SLC16A7: variants seen among roughly 807,000 people sequenced by gnomAD.
SLC16A7 encodes solute carrier family 16 member 7, also known as monocarboxylate transporter 2.
SLC16A7 carries 33 observed loss-of-function variants against 34.9 expected under a neutral mutation model. That is an observed-to-expected ratio of 0.94 (90% confidence interval 0.72 to 1.26). The LOEUF is 1.26. Among genes scored for constraint, SLC16A7 ranks in the 50% most tolerant of loss-of-function variants. SLC16A7 has a pLI of 0.00. For missense variants in SLC16A7, 573 were observed against 578.1 expected, an observed-to-expected ratio of 0.99 and a Z score of 0.09; for synonymous variants, 201 against 206.6, an observed-to-expected ratio of 0.97 and a Z score of 0.23.
chr12:59,755,232 A>G (rs1291653235), intron 3 of SLC16A7, among the ~76,000 whole-genome samples: 2 of 152,144 alleles, frequency 1.3e-5, no homozygotes, highest in Non-Finnish European at 1.5e-5. Context: ...CCTATTCAAC[A>G]TAGTGTTGGA....
At chr12:59,669,458 G>A (rs542936122) in intron 2 of SLC16A7, among the ~76,000 whole-genome samples, 27 of 152,074 alleles carry the variant, frequency 1.8e-4, no homozygotes, top group East Asian at 9.6e-4. Context: ...CCTGGCTTTC[G>A]CATATTAATA....
chr12:59,746,037 T>C (rs1878852921), intron 3 of SLC16A7, among the ~76,000 whole-genome samples: 1 of 152,204 alleles, frequency 6.6e-6, no homozygotes. Context: ...TAATAGTCAA[T>C]TACGGGTTTT....
At chr12:59,684,942 T>C (rs1437174548) in intron 2 of SLC16A7, among the ~76,000 whole-genome samples, 1 of 152,140 alleles carries the variant, frequency 6.6e-6, no homozygotes, top group Non-Finnish European at 1.5e-5. Context: ...AATAATTTTG[T>C]TACTTCTAAT....
At position 59,701,907 on chromosome 12, in the gene SLC16A7, G is replaced by A. The variant is rs1387980259; in HGVS notation, c.-30-2865G>A. 5.3e-5 allele frequency among the ~76,000 whole-genome samples: 8 copies of A among 151,656 alleles called. No homozygotes were observed. In the East Asian group the frequency reaches 1.5e-3, roughly 29 times the overall value. The stretch of plus-strand genomic sequence containing the variant: ...AGCAGATATGATAAAAACTACAATA[G>A]TTTAAACTCAAGAATTAGTAATAAA... On this transcript the variant is annotated intron_variant, in intron 2 of 5. Coordinates refer to ENST00000547379, the MANE Select transcript of SLC16A7 (RefSeq NM_001270623.2).
At chr12:59,766,962 G>A (rs1244053690) in intron 3 of SLC16A7, among the ~76,000 whole-genome samples, 2 of 151,914 alleles carry the variant, frequency 1.3e-5, no homozygotes, top group Admixed American at 6.6e-5. Context: ...ATCTGGTCCT[G>A]GGCTTTTTTT....
rs1883173597 is a variant in SLC16A7, at chr12:59,780,584, C to T, written c.*905C>T. On this transcript the variant is annotated 3_prime_UTR_variant, in exon 6 of 6. Transcript: ENST00000547379. ...CAATGAGTCACATCCATTGATTTTA[C>T]AGGGATTTTAGTTCGTAATCCAGAA... The T allele has an allele frequency of 6.6e-6, 1 of 152,048 alleles. No individual in the cohort carries two copies. The highest frequency in any genetic ancestry group is 2.4e-5 in the African/African-American group (1 of 41,408). The allele number at this position is 152,048 out of a possible 1,614,324, so 9.4% of individuals were successfully genotyped here. A position where few individuals can be genotyped will look rare whatever the true frequency, so the allele number is the denominator to read the frequency against.
chr12:59,753,970 C>T (rs757994153), intron 3 of SLC16A7, among the ~76,000 whole-genome samples: 107 of 152,160 alleles, frequency 7.0e-4, no homozygotes, highest in Non-Finnish European at 1.4e-3. Context: ...AACCACTCAA[C>T]TACATGGAAA....
rs560870481 is a variant in SLC16A7 at position 59,650,059 on chromosome 12, G to A, written c.-129-5093G>A. Among the ~76,000 whole-genome samples the A allele has an allele frequency of 1.5e-3, 231 of 152,044 alleles. 5 individuals carry two copies. In the South Asian group the frequency reaches 0.018, roughly 12 times the overall value. ...GCATTGTATTAATTTAATATTTAGTGTTTAGGATTTATATATATCATCTTT... is the reference window on the plus strand; with the variant it reads ...GCATTGTATTAATTTAATATTTAGTATTTAGGATTTATATATATCATCTTT... On this transcript the variant is annotated intron_variant, in intron 1 of 5. Coordinates refer to ENST00000547379, the MANE Select transcript of SLC16A7 (RefSeq NM_001270623.2).
chr12:59,746,887 T>G (rs1404718300), intron 3 of SLC16A7, among the ~76,000 whole-genome samples: 1 of 152,124 alleles, frequency 6.6e-6, no homozygotes, highest in Non-Finnish European at 1.5e-5. Context: ...CAGGCTGGAG[T>G]GTAGTGACGA....
chr12:59,719,875 A>G, intron 3 of SLC16A7: 1 of 513,146 alleles, frequency 1.9e-6, no homozygotes, highest in East Asian at 3.3e-5. Flanking sequence ...GAGTGGCCCA[A>G]AATAGACAAT....
At chr12:59,729,813 A>G (rs1876724494) in intron 3 of SLC16A7, among the ~76,000 whole-genome samples, 1 of 152,208 alleles carries the variant, frequency 6.6e-6, no homozygotes, top group Admixed American at 6.5e-5. Flanking sequence ...AGCTAAACAC[A>G]CTGTTCAATA....
chr12:59,704,231 A>C (rs1873269352), intron 2 of SLC16A7, among the ~76,000 whole-genome samples: 1 of 150,900 alleles, frequency 6.6e-6, no homozygotes, highest in Non-Finnish European at 1.5e-5. Flanking sequence ...AAAAGAAAAA[A>C]AAAAGAAAAA....
chr12:59,754,767 A>G (rs1212629567), intron 3 of SLC16A7, among the ~76,000 whole-genome samples: 1 of 152,240 alleles, frequency 6.6e-6, no homozygotes, highest in African/African-American at 2.4e-5. Context: ...TGAGGCCAGC[A>G]TCATCCTGAT....
intron 3 of SLC16A7, among the ~76,000 whole-genome samples, chr12:59,760,087 C>T (rs894920828): frequency 2.6e-5 from 4 of 151,920 alleles, no homozygotes; most frequent in African/African-American, 9.7e-5. Flanking sequence ...AAACTATACC[C>T]GTTATTACAA....
At chr12:59,671,782 T>C (rs1194183326) in intron 2 of SLC16A7, among the ~76,000 whole-genome samples, 2 of 144,044 alleles carry the variant, frequency 1.4e-5, no homozygotes, top group Admixed American at 7.1e-5. Context: ...TGTATATATA[T>C]GTGTATATGT....
chr12:59,731,169 CTT>C (rs1441723110), intron 3 of SLC16A7, among the ~76,000 whole-genome samples: 1 of 152,040 alleles, frequency 6.6e-6, no homozygotes. Context: ...TACTTTTTAA[CTT>C]TATTCAAATG....
intron 3 of SLC16A7, among the ~76,000 whole-genome samples, chr12:59,754,019 C>G (rs564199320): frequency 6.6e-6 from 1 of 152,154 alleles, no homozygotes; most frequent in Admixed American, 6.5e-5. Context: ...GGGCACATAA[C>G]GAAATGAAGG....
chr12:59,650,087 T>C (rs1868316455), intron 1 of SLC16A7, among the ~76,000 whole-genome samples: 2 of 152,278 alleles, frequency 1.3e-5, no homozygotes, highest in Admixed American at 1.3e-4. Flanking sequence ...TCATCTTTTT[T>C]TTTGCTTATT....
chr12:59,666,396 A>C (rs2137037697), intron 2 of SLC16A7, among the ~76,000 whole-genome samples: 1 of 152,266 alleles, frequency 6.6e-6, no homozygotes, highest in East Asian at 1.9e-4. Context: ...GGATTTCCTT[A>C]GGTATTTAAG....
Sources: gnomAD v4.1 joint callset for allele counts (sites outside exome capture counted in the v4.1 genomes callset) on GRCh38, gnomAD v4.1.1 for gene constraint, MANE v1.5 for transcripts, NCBI Gene and HGNC (gene_info 2026-07-23, HGNC 2026-07-21) for gene names.